The following CYP4X1 variants were observed in gnomAD, a reference collection of about 807,000 sequenced individuals.
The protein encoded by CYP4X1 is cytochrome P450 family 4 subfamily X member 1.
A neutral mutation model predicts 57.9 loss-of-function variants in CYP4X1; 44 were observed. The ratio of observed to expected loss-of-function variants is 0.76; its 90% CI spans 0.60 to 0.98. CYP4X1 has a LOEUF of 0.98. CYP4X1 is among the 50% of genes least tolerant of loss of function. CYP4X1 has a pLI of 0.00. For missense variants in CYP4X1, 532 were observed against 623.9 expected, an observed-to-expected ratio of 0.85 and a Z score of 1.57; for synonymous variants, 227 against 228.6, an observed-to-expected ratio of 0.99 and a Z score of 0.06.
intron 2 of CYP4X1, among the ~76,000 whole-genome samples, chr1:47,030,986 C>G (rs1644118081): frequency 6.6e-6 from 1 of 152,194 alleles, no homozygotes; most frequent in South Asian, 2.1e-4. Flanking sequence ...TAGTCATGTT[C>G]ACCTGTTAAG....
the CYP4X1 span, among the ~76,000 whole-genome samples, chr1:47,002,385 G>A: frequency 9.2e-5 from 14 of 152,120 alleles, no homozygotes; most frequent in African/African-American, 3.4e-4. Flanking sequence ...TTGAGCTTAG[G>A]GATGCTCTCC....
chr1:46,967,850 AT>A, the CYP4X1 span: 2 of 1,211,314 alleles, frequency 1.7e-6, no homozygotes, highest in Non-Finnish European at 1.1e-6. Flanking sequence ...TTCATGGCAA[AT>A]TTTTTCCCAA....
At chr1:46,965,200 G>A in the CYP4X1 span, among the ~76,000 whole-genome samples, 1 of 152,234 alleles carries the variant, frequency 6.6e-6, no homozygotes, top group East Asian at 1.9e-4. Flanking sequence ...GTGAGGCGAT[G>A]CCTCGCCCTG....
intron 8 of CYP4X1, 119 bp from the exon 9 acceptor site, chr1:47,046,348 A>G: frequency 7.2e-7 from 1 of 1,396,374 alleles, no homozygotes; most frequent in African/African-American, 1.4e-5. Context: ...ATTCTGTTAC[A>G]TAAACCAGTG....
rs1644350007 is a variant in CYP4X1, at chr1:47,050,284, G to T, written c.*110G>T. 2 of 1,274,120 alleles carry T rather than the reference G, an allele frequency of 1.6e-6. No homozygotes were observed. Among genetic ancestry groups the T allele is most frequent in the Non-Finnish European group, 2.2e-6 (2 of 904,894 alleles). 78.9% of individuals were successfully genotyped at this position (1,274,120 alleles called of 1,614,324 possible). A position where few individuals can be genotyped will look rare whatever the true frequency, so the allele number is the denominator to read the frequency against. On this transcript the variant is annotated 3_prime_UTR_variant, in exon 12 of 12. Transcript: ENST00000371901. ...TGTATGGTGGGAGGATTGGAGGTTG[G>T]TGGGATAGGGGTCTCTGTGAAGAGA...
chr1:47,031,549 C>T, intron 3 of CYP4X1, 69 bp downstream of exon 3: 1 of 1,534,016 alleles, frequency 6.5e-7, no homozygotes. Context: ...TAGAGCATGC[C>T]AAAGAAACTG....
At chr1:46,980,264 G>A in the CYP4X1 span, among the ~76,000 whole-genome samples, 1 of 152,200 alleles carries the variant, frequency 6.6e-6, no homozygotes, top group East Asian at 1.9e-4. Flanking sequence ...AAGCTGATAA[G>A]TAACTTCAGC....
the CYP4X1 span, among the ~76,000 whole-genome samples, chr1:46,978,619 G>A: frequency 2.0e-5 from 3 of 151,988 alleles, no homozygotes; most frequent in South Asian, 2.1e-4. Context: ...TCTGCACCAC[G>A]CAGACCTAAT....
the CYP4X1 span, among the ~76,000 whole-genome samples, chr1:46,996,826 G>A: frequency 2.0e-5 from 3 of 152,106 alleles, no homozygotes; most frequent in Admixed American, 1.3e-4. Context: ...TTGGACAAAC[G>A]AGGGAGAGTA....
the CYP4X1 span, chr1:46,967,704 A>G: frequency 2.1e-6 from 2 of 932,070 alleles, no homozygotes; most frequent in Admixed American, 5.9e-5. Flanking sequence ...CACAATGGTT[A>G]GGGACCCTCC....
the CYP4X1 span, among the ~76,000 whole-genome samples, chr1:46,987,987 G>A: frequency 3.9e-5 from 6 of 152,142 alleles, no homozygotes; most frequent in African/African-American, 1.4e-4. Flanking sequence ...AGAGAAGCAA[G>A]AGCAAACATA....
At chr1:46,972,564 A>G in the CYP4X1 span, among the ~76,000 whole-genome samples, 1 of 152,202 alleles carries the variant, frequency 6.6e-6, no homozygotes, top group African/African-American at 2.4e-5. Context: ...CTCCATATCC[A>G]TGAGCTTGGA....
chr1:47,034,673 T>A (rs965752990), intron 4 of CYP4X1, among the ~76,000 whole-genome samples: 3 of 152,294 alleles, frequency 2.0e-5, no homozygotes, highest in Admixed American at 1.3e-4. Flanking sequence ...ACCCAGAGAC[T>A]GTGCAGTGCA....
Position 47,031,626 on chromosome 1 carries a change from T to A in CYP4X1, c.364+146T>A, listed in dbSNP as rs907838405. On this transcript the variant is annotated intron_variant, in intron 3 of 11. Transcript: ENST00000371901. ...TACTGAACGTTATCTAGGGGAAAGATTGAAGGGGAGCTCTAAGGTCAACAC... is the reference window on the plus strand; with the variant it reads ...TACTGAACGTTATCTAGGGGAAAGAATGAAGGGGAGCTCTAAGGTCAACAC... 7.1e-6 allele frequency: 6 copies of A among 846,328 alleles called. No individual in the cohort carries two copies. In the Admixed American group the frequency reaches 1.6e-4, roughly 22 times the overall value. 52.4% of individuals were successfully genotyped at this position (846,328 alleles called of 1,614,324 possible). A position where few individuals can be genotyped will look rare whatever the true frequency, so the allele number is the denominator to read the frequency against.
At chr1:47,017,655 G>A in the CYP4X1 span, among the ~76,000 whole-genome samples, 1 of 152,154 alleles carries the variant, frequency 6.6e-6, no homozygotes, top group Non-Finnish European at 1.5e-5. Flanking sequence ...TCGTCCCTCT[G>A]CTCAGTGAGA....
chr1:47,009,475 A>C, the CYP4X1 span, among the ~76,000 whole-genome samples: 1 of 152,218 alleles, frequency 6.6e-6, no homozygotes, highest in South Asian at 2.1e-4. Flanking sequence ...TCTAAAATTG[A>C]CACCCTAACA....
At chr1:46,984,813 GT>G in the CYP4X1 span, among the ~76,000 whole-genome samples, 1 of 152,180 alleles carries the variant, frequency 6.6e-6, no homozygotes, top group Non-Finnish European at 1.5e-5. Context: ...AGCTGCAGGA[GT>G]TTTTTTCATA....
At chr1:47,003,910 A>G in the CYP4X1 span, among the ~76,000 whole-genome samples, 3 of 152,184 alleles carry the variant, frequency 2.0e-5, no homozygotes, top group Non-Finnish European at 4.4e-5. Context: ...ACAAAATACA[A>G]TCATGCCTTC....
chr1:46,982,663 C>T, the CYP4X1 span, among the ~76,000 whole-genome samples: 60 of 152,280 alleles, frequency 3.9e-4, no homozygotes, highest in African/African-American at 1.2e-3. Flanking sequence ...GTTAGGGCTG[C>T]GTTCCAGTAA....
Sources: gnomAD v4.1 joint callset for allele counts (sites outside exome capture counted in the v4.1 genomes callset) on GRCh38, gnomAD v4.1.1 for gene constraint, MANE v1.5 for transcripts, NCBI Gene and HGNC (gene_info 2026-07-23, HGNC 2026-07-21) for gene names.